The following CSRNP3 variants were observed in gnomAD, a reference collection of about 807,000 sequenced individuals.
CSRNP3 encodes the protein cysteine and serine rich nuclear protein 3, also known as cysteine/serine-rich nuclear protein 3.
A neutral mutation model predicts 48.0 loss-of-function variants in CSRNP3; 12 were observed. The observed-to-expected ratio is 0.25, with a 90% CI of 0.16 to 0.41. The LOEUF (loss-of-function observed/expected upper bound fraction) is 0.41. Among genes scored for constraint, CSRNP3 ranks in the 10% least tolerant of loss-of-function variants. The probability of loss-of-function intolerance (pLI) is 1.00; values close to 1 mark genes in which losing one functional copy is unlikely to be tolerated. For synonymous variants in CSRNP3, 263 were observed against 269.7 expected, an observed-to-expected ratio of 0.98 and a Z score of 0.24; for missense variants, 580 against 724.4, an observed-to-expected ratio of 0.80 and a Z score of 2.29.
Position 165,492,724 on chromosome 2 carries a change from T to TA in CSRNP3, c.-282-2014dup, listed in dbSNP as rs11304265. Among the ~76,000 whole-genome samples, 56 of 110,140 alleles carry TA rather than the reference T, an allele frequency of 5.1e-4. 1 individual carries two copies. The highest frequency in any genetic ancestry group is 7.3e-4 in the Non-Finnish European group (40 of 55,154). 72.3% of individuals were successfully genotyped at this position (110,140 alleles called of 152,430 possible). ...ACCCAGTAAGTAAGCACTATTAGAG[T>TA]AAAAAAAAAAAAAAAAAAAAAGAAC... is the stretch of plus-strand genomic sequence containing the variant. On this transcript the variant is annotated intron_variant, in intron 1 of 6. Coordinates refer to ENST00000651982, the MANE Select transcript of CSRNP3 (RefSeq NM_001172173.2).
chr2:165,627,423 G>A (rs1486034428), intron 4 of CSRNP3, among the ~76,000 whole-genome samples: 1 of 152,096 alleles, frequency 6.6e-6, no homozygotes, highest in Admixed American at 6.5e-5. Context: ...ATAGCCACAG[G>A]CAGCTTTTCT....
At chr2:165,619,036 A>G (rs1264612848) in intron 4 of CSRNP3, among the ~76,000 whole-genome samples, 1 of 152,190 alleles carries the variant, frequency 6.6e-6, no homozygotes, top group Non-Finnish European at 1.5e-5. Flanking sequence ...TAAAACTGTC[A>G]GTCATGAATT....
At position 165,686,296 on chromosome 2, in the gene CSRNP3, C is replaced by A; in HGVS notation, c.*6543C>A. The A allele has an allele frequency of 6.6e-6, 1 of 151,996 alleles. No individual in the cohort carries two copies. Among genetic ancestry groups the A allele is most frequent in the Non-Finnish European group, 1.5e-5 (1 of 67,970 alleles). The allele number at this position is 151,996 out of a possible 1,614,324, so 9.4% of individuals were successfully genotyped here. On this transcript the variant is annotated 3_prime_UTR_variant, in exon 7 of 7. Coordinates refer to ENST00000651982, the MANE Select transcript of CSRNP3 (RefSeq NM_001172173.2). Reference sequence around the variant, plus strand: ...CCCTTCTTGTCAGGGACATGGCTTCCTAATAATGGTTTTGCTGTTGTCTCT... The same window carrying A: ...CCCTTCTTGTCAGGGACATGGCTTCATAATAATGGTTTTGCTGTTGTCTCT...
rs1687505128 is a variant in CSRNP3 at position 165,679,923 on chromosome 2, C to T, written c.*170C>T. 5 of 867,678 alleles carry T rather than the reference C, an allele frequency of 5.8e-6. No individual in the cohort carries two copies. The South Asian group carries it at 8.8e-5, about 15-fold the overall frequency. The allele number at this position is 867,678 out of a possible 1,614,324, so 53.7% of individuals were successfully genotyped here. On this transcript the variant is annotated 3_prime_UTR_variant, in exon 7 of 7. Coordinates refer to ENST00000651982, the MANE Select transcript of CSRNP3 (RefSeq NM_001172173.2). ...TTCTAGCCACATGACTGTGGCATTG[C>T]ACAAATACAGTCTCTGTAGGGATTT... is the stretch of plus-strand genomic sequence containing the variant.
chr2:165,552,727 G>A (rs1171805007), intron 3 of CSRNP3, among the ~76,000 whole-genome samples: 1 of 151,308 alleles, frequency 6.6e-6, no homozygotes, highest in African/African-American at 2.4e-5. Context: ...TTGAGATGGA[G>A]TCTCACTCTG....
chr2:165,484,124 T>C (rs180756052), intron 1 of CSRNP3, among the ~76,000 whole-genome samples: 1 of 152,260 alleles, frequency 6.6e-6, no homozygotes, highest in East Asian at 1.9e-4. Context: ...TTTATTATTT[T>C]TGAGACAGAG....
chr2:165,629,808 G>GC (rs956964449), intron 4 of CSRNP3, among the ~76,000 whole-genome samples: 23 of 152,212 alleles, frequency 1.5e-4, no homozygotes, highest in African/African-American at 4.3e-4. Context: ...TGATCTCCCT[G>GC]CTTTTTTTCC....
rs561504936 is a variant in CSRNP3 at position 165,681,166 on chromosome 2, G to A, written c.*1413G>A. The A allele has an allele frequency of 2.6e-5, 4 of 152,102 alleles. No individual in the cohort carries two copies. Among genetic ancestry groups the A allele is most frequent in the Admixed American group, 1.3e-4 (2 of 15,260 alleles). 9.4% of individuals were successfully genotyped at this position (152,102 alleles called of 1,614,324 possible). A position where few individuals can be genotyped will look rare whatever the true frequency, so the allele number is the denominator to read the frequency against. On this transcript the variant is annotated 3_prime_UTR_variant, in exon 7 of 7. Transcript: ENST00000651982. ...TTCGTCGGAGGACTTCTAGGATCCC[G>A]TTTCCCTGTAAATTAATTTAGGTAA...
At chr2:165,470,239 T>C (rs1227990878) in intron 1 of CSRNP3, among the ~76,000 whole-genome samples, 2 of 152,146 alleles carry the variant, frequency 1.3e-5, no homozygotes, top group African/African-American at 4.8e-5. Context: ...TAGACTCTTT[T>C]AGCATTAATT....
chr2:165,560,143 CA>C (rs1404455828), intron 3 of CSRNP3, among the ~76,000 whole-genome samples: 8 of 152,218 alleles, frequency 5.3e-5, no homozygotes, highest in African/African-American at 1.9e-4. Context: ...ACAAAGATTA[CA>C]ATTAGGTTCT....
intron 4 of CSRNP3, among the ~76,000 whole-genome samples, chr2:165,650,786 A>C (rs1447026140): frequency 1.4e-5 from 2 of 139,696 alleles, no homozygotes; most frequent in African/African-American, 5.0e-5. Flanking sequence ...GTTTCATCTA[A>C]ATAAATAAAT....
rs1687544188 is a variant in CSRNP3, at chr2:165,681,740, T to TATATATATATATATATATAC, written c.*2006_*2007insCATATATATATATATATATA. ...TCTCAAATATACATATATATATATA[T>TATATATATATATATATATAC]ATATATATATATATATATATACACA... On this transcript the variant is annotated 3_prime_UTR_variant, in exon 7 of 7. Coordinates refer to ENST00000651982, the MANE Select transcript of CSRNP3 (RefSeq NM_001172173.2). The TATATATATATATATATATAC allele has an allele frequency of 7.0e-5, 6 of 85,808 alleles. No individual in the cohort carries two copies. The highest frequency in any genetic ancestry group is 1.6e-4 in the Non-Finnish European group (6 of 37,516). The allele number at this position is 85,808 out of a possible 1,614,324, so 5.3% of individuals were successfully genotyped here.
rs1319455731 is a variant in CSRNP3 at position 165,679,241 on chromosome 2, A to G, written c.1246A>G (p.Thr416Ala). Residue 416 changes from threonine to alanine, a missense_variant, in exon 7 of 7, where the codon ACC becomes GCC. Thr to Ala is a moderately conservative substitution (Grantham distance 58). This residue lies in a region of CSRNP3 where 369 missense variants were observed against 380.8 expected (regional missense o/e 0.97). Transcript: ENST00000651982. ...LPSVLCYSDG[T>A]AVHESHAKNA... ...TTCAGTTCTTTGTTATTCTGATGGC[A>G]CCGCCGTTCACGAAAGCCATGCAAA... 6.2e-7 allele frequency: 1 copy of G among 1,613,836 alleles called. No homozygotes were observed. The highest frequency in any genetic ancestry group is 1.1e-5 in the South Asian group (1 of 91,066).
intron 3 of CSRNP3, among the ~76,000 whole-genome samples, chr2:165,569,980 T>G (rs1685347025): frequency 6.6e-6 from 1 of 152,074 alleles, no homozygotes; most frequent in South Asian, 2.1e-4. Flanking sequence ...ATTTAAAAAT[T>G]CTTTTAAGCA....
At chr2:165,669,083 A>G (rs1282163376) in intron 5 of CSRNP3, among the ~76,000 whole-genome samples, 2 of 152,228 alleles carry the variant, frequency 1.3e-5, no homozygotes, top group Non-Finnish European at 2.9e-5. Flanking sequence ...AGTATTTACT[A>G]TATGGCAGCT....
At chr2:165,563,157 G>T (rs1685255583) in intron 3 of CSRNP3, among the ~76,000 whole-genome samples, 1 of 152,118 alleles carries the variant, frequency 6.6e-6, no homozygotes. Context: ...TTCTCTTTTA[G>T]TACACAATTG....
chr2:165,661,249 G>T, intron 5 of CSRNP3, among the ~76,000 whole-genome samples: 1 of 152,096 alleles, frequency 6.6e-6, no homozygotes, highest in East Asian at 1.9e-4. Context: ...CCCTCAATTT[G>T]CAGTGGAATT....
intron 1 of CSRNP3, among the ~76,000 whole-genome samples, chr2:165,489,227 C>A (rs1431386797): frequency 2.6e-5 from 4 of 151,604 alleles, no homozygotes; most frequent in Admixed American, 2.0e-4. Context: ...AACACATACA[C>A]CCTCCCAAGA....
chr2:165,637,894 G>A (rs966490397), intron 4 of CSRNP3, among the ~76,000 whole-genome samples: 2 of 152,038 alleles, frequency 1.3e-5, no homozygotes. Flanking sequence ...TATTAACCCA[G>A]TATTTTTTAA....
Sources: gnomAD v4.1 joint callset for allele counts (sites outside exome capture counted in the v4.1 genomes callset) on GRCh38, gnomAD v4.1.1 for gene constraint, gnomAD v4.1.1 regional missense constraint, MANE v1.5 for transcripts, NCBI Gene and HGNC (gene_info 2026-07-23, HGNC 2026-07-21) for gene names.